Variants in ZNF385D observed in about 807,000 individuals in gnomAD.
The protein encoded by ZNF385D is zinc finger protein 659.
Under a neutral mutation model 35.8 loss-of-function variants are expected in ZNF385D, and 15 were observed. The ratio of observed to expected loss-of-function variants is 0.42; its 90% confidence interval spans 0.28 to 0.64. ZNF385D has a LOEUF of 0.64. Among genes scored for constraint, ZNF385D ranks in the 30% least tolerant of loss-of-function variants. ZNF385D has a pLI of 0.23. For synonymous variants in ZNF385D, 212 were observed against 186.8 expected, an observed-to-expected ratio of 1.13 and a Z score of -1.10; for missense variants, 474 against 494.6, an observed-to-expected ratio of 0.96 and a Z score of 0.39.
At position 21,769,151 on chromosome 3, in the gene ZNF385D, A is replaced by G. The variant is rs532893297; in HGVS notation, c.326-104123T>C. ...CATACTGAATGGGCAAAAACTGGAA[A>G]CATTCCCTTTGAAAACTGGCACAAG... On this transcript the variant is annotated intron_variant, in intron 3 of 5. Coordinates refer to the ZNF385D transcript ENST00000494108. 2.9e-3 allele frequency among the ~76,000 whole-genome samples: 436 copies of G among 152,108 alleles called. 4 individuals are homozygous for G. The highest frequency in any genetic ancestry group is 9.3e-3 in the African/African-American group (388 of 41,536).
chr3:22,332,220 A>G (rs1694971657), intron 2 of ZNF385D, among the ~76,000 whole-genome samples: 1 of 152,108 alleles, frequency 6.6e-6, no homozygotes, highest in South Asian at 2.1e-4. Flanking sequence ...CCTCTATGAT[A>G]TAAGTTCACT....
intron 4 of ZNF385D, among the ~76,000 whole-genome samples, chr3:21,506,243 T>C (rs1011914885): frequency 6.9e-6 from 1 of 145,656 alleles, no homozygotes. Flanking sequence ...CTAAGAGCCT[T>C]TTCCCCTCTT....
chr3:21,730,197 G>C (rs527597854), intron 1 of ZNF385D, among the ~76,000 whole-genome samples: 2 of 152,110 alleles, frequency 1.3e-5, no homozygotes, highest in African/African-American at 4.8e-5. Flanking sequence ...ACAGAGCATA[G>C]GATCAAAATC....
intron 5 of ZNF385D, among the ~76,000 whole-genome samples, chr3:21,430,848 T>C (rs577008370): frequency 1.7e-4 from 26 of 152,272 alleles, no homozygotes; most frequent in African/African-American, 6.0e-4. Flanking sequence ...AATTAATAAA[T>C]GGACAAATTA....
chr3:22,151,182 G>A (rs1705208196), intron 3 of ZNF385D, among the ~76,000 whole-genome samples: 1 of 152,068 alleles, frequency 6.6e-6, no homozygotes, highest in Non-Finnish European at 1.5e-5. Flanking sequence ...ATGGGGCAGG[G>A]GCACCCCTGG....
At chr3:21,847,603 G>C (rs1169283872) in intron 3 of ZNF385D, among the ~76,000 whole-genome samples, 1 of 151,960 alleles carries the variant, frequency 6.6e-6, no homozygotes, top group Non-Finnish European at 1.5e-5. Flanking sequence ...TATTTTTGCA[G>C]TTTCCTCTCC....
rs928217585 is a variant in ZNF385D at position 21,757,133 on chromosome 3, TTTTTTTG to T, written c.326-92112_326-92106del. On this transcript the variant is annotated intron_variant, in intron 3 of 5. Coordinates refer to the ZNF385D transcript ENST00000494108. ...TGATAAATTTCTCTTTTTTTTTTTT[TTTTTTTG>T]TTTTCTTGAGATGGTGTCTCACTCT... 1.5e-4 allele frequency among the ~76,000 whole-genome samples: 20 copies of T among 132,528 alleles called. No individual in the cohort carries two copies. The East Asian group carries it at 1.7e-3, about 11-fold the overall frequency. 86.9% of individuals were successfully genotyped at this position (132,528 alleles called of 152,430 possible).
intron 2 of ZNF385D, among the ~76,000 whole-genome samples, chr3:22,186,644 G>A (rs147204110): frequency 6.6e-6 from 1 of 152,044 alleles, no homozygotes. Context: ...TGGGTCATAA[G>A]AATTTGATAT....
At chr3:21,690,638 C>A (rs572421151) in intron 1 of ZNF385D, among the ~76,000 whole-genome samples, 5 of 152,164 alleles carry the variant, frequency 3.3e-5, no homozygotes, top group Non-Finnish European at 7.4e-5. Flanking sequence ...TGAAGACCCA[C>A]TCTCACCATA....
At chr3:21,718,967 A>G (rs541740421) in intron 1 of ZNF385D, among the ~76,000 whole-genome samples, 1 of 152,372 alleles carries the variant, frequency 6.6e-6, no homozygotes, top group South Asian at 2.1e-4. Flanking sequence ...AAGAAAAATT[A>G]TTCAAAAACT....
At chr3:21,765,692 C>T (rs908507945) in intron 3 of ZNF385D, among the ~76,000 whole-genome samples, 5 of 150,840 alleles carry the variant, frequency 3.3e-5, no homozygotes, top group Non-Finnish European at 5.9e-5. Context: ...TAAGTGCGTG[C>T]GTGCATGCAC....
chr3:21,716,210 CT>C (rs1237140889), intron 1 of ZNF385D, among the ~76,000 whole-genome samples: 3 of 152,122 alleles, frequency 2.0e-5, no homozygotes, highest in African/African-American at 7.2e-5. Context: ...AGCTAGTTTC[CT>C]TGTTTCTTCC....
At position 22,107,242 on chromosome 3, in the gene ZNF385D, C is replaced by G. The variant is rs570865822; in HGVS notation, c.325+61575G>C. Among the ~76,000 whole-genome samples the G allele has an allele frequency of 4.0e-5, 6 of 151,880 alleles. No individual in the cohort carries two copies. The East Asian group carries it at 9.7e-4, about 24-fold the overall frequency. On this transcript the variant is annotated intron_variant, in intron 3 of 5. Coordinates refer to the ZNF385D transcript ENST00000494108. ...TTCTCCATGTTGTTCAGGCTGGTCTCGAACTCCCGACCTCAGGTGATTTGC... is the reference window on the plus strand; with the variant it reads ...TTCTCCATGTTGTTCAGGCTGGTCTGGAACTCCCGACCTCAGGTGATTTGC...
chr3:21,972,646 GT>G (rs902918801), intron 3 of ZNF385D, among the ~76,000 whole-genome samples: 2 of 151,582 alleles, frequency 1.3e-5, no homozygotes, highest in African/African-American at 4.8e-5. Flanking sequence ...ATGAAAAGTT[GT>G]TTTTTTGAAA....
intron 2 of ZNF385D, among the ~76,000 whole-genome samples, chr3:21,569,474 T>A (rs2063258662): frequency 6.6e-6 from 1 of 150,986 alleles, no homozygotes; most frequent in East Asian, 1.9e-4. Context: ...GTGAGATGGG[T>A]TTCCTGAATA....
rs145125542 is a variant in ZNF385D at position 21,921,703 on chromosome 3, T to C, written c.325+247114A>G. ...CTTCAAAAGATTGCCTCAGAGATGA[T>C]TGTGAATACCTCTACGCTCACAAAC... On this transcript the variant is annotated intron_variant, in intron 3 of 5. Coordinates refer to the ZNF385D transcript ENST00000494108. Among the ~76,000 whole-genome samples, 351 of 152,002 alleles carry C rather than the reference T, an allele frequency of 2.3e-3. 1 individual carries two copies. Among genetic ancestry groups the C allele is most frequent in the African/African-American group, 7.7e-3 (321 of 41,468 alleles).
intron 2 of ZNF385D, among the ~76,000 whole-genome samples, chr3:22,169,631 G>T (rs1288806456): frequency 6.6e-6 from 1 of 152,102 alleles, no homozygotes; most frequent in Non-Finnish European, 1.5e-5. Flanking sequence ...ACACAAGAGA[G>T]GCTTTGAATA....
chr3:22,133,756 G>C (rs1166512557), intron 3 of ZNF385D: 2 of 151,776 alleles, frequency 1.3e-5, no homozygotes, highest in East Asian at 2.0e-4. Context: ...CTCAAGGAAT[G>C]GCTTCGAAGC....
At chr3:22,234,050 C>G (rs1477394174) in intron 2 of ZNF385D, among the ~76,000 whole-genome samples, 1 of 152,112 alleles carries the variant, frequency 6.6e-6, no homozygotes, top group Non-Finnish European at 1.5e-5. Flanking sequence ...TCTAAGTTCT[C>G]TGGCAATTTT....
Sources: gnomAD v4.1 joint callset for allele counts (sites outside exome capture counted in the v4.1 genomes callset) on GRCh38, gnomAD v4.1.1 for gene constraint, MANE v1.5 for transcripts, NCBI Gene and HGNC (gene_info 2026-07-23, HGNC 2026-07-21) for gene names.